PLD5: variants seen among roughly 807,000 people sequenced by gnomAD.
The protein encoded by PLD5 is phospholipase D family member 5, also known as inactive phospholipase D5.
A neutral mutation model predicts 61.1 loss-of-function variants in PLD5; 36 were observed. The ratio of observed to expected loss-of-function variants is 0.59; its 90% CI spans 0.45 to 0.78. The LOEUF (loss-of-function observed/expected upper bound fraction) is 0.78. Ranked by LOEUF, PLD5 falls within the 30% of genes least tolerant of loss-of-function variation. The pLI, the probability that PLD5 is intolerant of heterozygous loss-of-function variation, is 0.00. For synonymous variants in PLD5, 243 were observed against 242.8 expected, an observed-to-expected ratio of 1.00 and a Z score of -0.01; for missense variants, 515 against 644.4, an observed-to-expected ratio of 0.80 and a Z score of 2.17.
chr1:242,246,753 G>A (rs1336303290), intron 4 of PLD5, among the ~76,000 whole-genome samples: 1 of 152,098 alleles, frequency 6.6e-6, no homozygotes, highest in Admixed American at 6.5e-5. Context: ...GGTTTATTCT[G>A]AGCCAATCTG....
chr1:242,260,456 A>G (rs184034156), intron 4 of PLD5, among the ~76,000 whole-genome samples: 2 of 152,180 alleles, frequency 1.3e-5, no homozygotes, highest in East Asian at 3.9e-4. Flanking sequence ...GATTTCAATG[A>G]CAATCTCACA....
At chr1:242,178,568 C>A (rs1667321479) in intron 5 of PLD5, among the ~76,000 whole-genome samples, 1 of 152,126 alleles carries the variant, frequency 6.6e-6, no homozygotes, top group Non-Finnish European at 1.5e-5. Context: ...TTCAGGAAGA[C>A]AAGATGGTGT....
At chr1:242,323,639 G>C (rs1440812399) in intron 2 of PLD5, among the ~76,000 whole-genome samples, 1 of 152,198 alleles carries the variant, frequency 6.6e-6, no homozygotes, top group East Asian at 1.9e-4. Flanking sequence ...TTCCCGAGCT[G>C]CATAGGAACT....
At chr1:242,508,448 C>A (rs779022353) in intron 1 of PLD5, among the ~76,000 whole-genome samples, 2 of 152,118 alleles carry the variant, frequency 1.3e-5, no homozygotes, top group East Asian at 3.9e-4. Context: ...AATCAGAAGC[C>A]CAAAGACTCT....
At chr1:242,415,944 A>G (rs1378385087) in intron 1 of PLD5, among the ~76,000 whole-genome samples, 1 of 152,164 alleles carries the variant, frequency 6.6e-6, no homozygotes, top group Non-Finnish European at 1.5e-5. Context: ...TTATTTTTGT[A>G]AAAAGCAACA....
At chr1:242,153,378 G>C (rs565818674) in intron 5 of PLD5, among the ~76,000 whole-genome samples, 1 of 150,476 alleles carries the variant, frequency 6.6e-6, no homozygotes, top group Non-Finnish European at 1.5e-5. Flanking sequence ...GTCAATTTTG[G>C]CTTTTGTTTC....
intron 9 of PLD5, among the ~76,000 whole-genome samples, chr1:242,099,008 G>A (rs997461619): frequency 2.0e-5 from 3 of 152,190 alleles, no homozygotes; most frequent in African/African-American, 7.2e-5. Flanking sequence ...TGGGGGTCAG[G>A]GACCCACTTG....
At chr1:242,529,225 T>C (rs1345933162), upstream of PLD5, among the ~76,000 whole-genome samples, 2 of 152,256 alleles carry the variant, frequency 1.3e-5, no homozygotes, top group Non-Finnish European at 2.9e-5. Flanking sequence ...GAGAAGGGTC[T>C]TTTATGTTAC....
rs546608007 is a variant in PLD5, at chr1:242,137,178, T to C, written c.736-12513A>G. On this transcript the variant is annotated intron_variant, in intron 5 of 9. Transcript: ENST00000536534. Reference sequence around the variant, plus strand: ...ACAATCTTCCTATACCCAGCTATCATCAGACACTCAGCTGATTGGAAAATG... The same window carrying C: ...ACAATCTTCCTATACCCAGCTATCACCAGACACTCAGCTGATTGGAAAATG... Among the ~76,000 whole-genome samples the C allele has an allele frequency of 1.3e-3, 197 of 152,310 alleles. 1 individual carries two copies. Among genetic ancestry groups the C allele is most frequent in the African/African-American group, 4.5e-3 (188 of 41,568 alleles).
rs138259910 is a variant in PLD5 at position 242,417,959 on chromosome 1, T to A, written c.190-69717A>T. ...AGAACCACCAGCTAAGAGTGAGTGATGTCATGTAGTTATCACTCTAAAGGA... is the reference window on the plus strand; with the variant it reads ...AGAACCACCAGCTAAGAGTGAGTGAAGTCATGTAGTTATCACTCTAAAGGA... On this transcript the variant is annotated intron_variant, in intron 1 of 9. Transcript: ENST00000536534. 2.0e-5 allele frequency among the ~76,000 whole-genome samples: 3 copies of A among 152,302 alleles called. No individual in the cohort carries two copies. The East Asian group carries it at 5.8e-4, about 29-fold the overall frequency.
intron 1 of PLD5, among the ~76,000 whole-genome samples, chr1:242,373,580 G>C (rs546946052): frequency 1.6e-4 from 25 of 152,284 alleles, no homozygotes; most frequent in African/African-American, 4.3e-4. Context: ...ACTGGATTAA[G>C]AAAACGTGGC....
intron 5 of PLD5, among the ~76,000 whole-genome samples, chr1:242,186,538 T>C (rs1388708862): frequency 6.6e-6 from 1 of 152,124 alleles, no homozygotes; most frequent in Non-Finnish European, 1.5e-5. Context: ...GTATAGTCAC[T>C]GGCCTTCCCA....
At chr1:242,233,329 CAAGT>C (rs1371804185) in intron 4 of PLD5, among the ~76,000 whole-genome samples, 2 of 152,266 alleles carry the variant, frequency 1.3e-5, no homozygotes, top group African/African-American at 4.8e-5. Flanking sequence ...CCACAGCTAC[CAAGT>C]AAGGTGAGAC....
intron 5 of PLD5, among the ~76,000 whole-genome samples, chr1:242,142,714 T>TTCTCTCTCTCTC (rs35627694): frequency 2.1e-4 from 19 of 90,086 alleles, no homozygotes; most frequent in African/African-American, 8.2e-4. Flanking sequence ...AGCTGTGTCT[T>TTCTCTCTCTCTC]TCTCTCTCTC....
intron 5 of PLD5, among the ~76,000 whole-genome samples, chr1:242,144,833 G>A (rs577161500): frequency 6.6e-6 from 1 of 152,142 alleles, no homozygotes; most frequent in South Asian, 2.1e-4. Flanking sequence ...TGACTCCTGG[G>A]TTTCTTAAGT....
intron 1 of PLD5, among the ~76,000 whole-genome samples, chr1:242,491,746 T>A (rs1357846466): frequency 6.6e-6 from 1 of 152,200 alleles, no homozygotes; most frequent in Non-Finnish European, 1.5e-5. Flanking sequence ...TGGCACTGTG[T>A]TCTCCATTTT....
At chr1:242,434,260 AAGAATTGCT>A (rs1422564056) in intron 1 of PLD5, among the ~76,000 whole-genome samples, 1 of 152,220 alleles carries the variant, frequency 6.6e-6, no homozygotes, top group Non-Finnish European at 1.5e-5. Context: ...TTGGGCTGCC[AAGAATTGCT>A]GATGGACTGC....
chr1:242,346,070 A>G (rs1660119924), intron 2 of PLD5, among the ~76,000 whole-genome samples: 1 of 118,272 alleles, frequency 8.5e-6, no homozygotes, highest in Non-Finnish European at 1.7e-5. Flanking sequence ...TATATGATAT[A>G]TGTTATCTAG....
intron 2 of PLD5, among the ~76,000 whole-genome samples, chr1:242,342,129 T>C (rs963853382): frequency 6.6e-6 from 1 of 152,210 alleles, no homozygotes. Flanking sequence ...GTCATGAGGA[T>C]TGGGCCTGAA....
Sources: gnomAD v4.1 joint callset for allele counts (sites outside exome capture counted in the v4.1 genomes callset) on GRCh38, gnomAD v4.1.1 for gene constraint, MANE v1.5 for transcripts, NCBI Gene and HGNC (gene_info 2026-07-23, HGNC 2026-07-21) for gene names.